SNTG2: variants seen among roughly 807,000 people sequenced by gnomAD.
SNTG2 encodes the protein gamma-2-syntrophin.
In SNTG2, 74 loss-of-function variants were observed where a neutral mutation model predicts 70.9. The observed-to-expected ratio is 1.04, with a 90% CI of 0.86 to 1.27. The LOEUF (loss-of-function observed/expected upper bound fraction) is 1.27, where lower values mean the gene tolerates loss of function less well. Among genes scored for constraint, SNTG2 ranks in the 50% most tolerant of loss-of-function variants. The pLI is 0.00. For missense variants in SNTG2, 717 were observed against 690.7 expected, an observed-to-expected ratio of 1.04 and a Z score of -0.43; for synonymous variants, 278 against 273.8, an observed-to-expected ratio of 1.02 and a Z score of -0.15.
At chr2:1,042,168 A>T (rs116474814) in intron 1 of SNTG2, among the ~76,000 whole-genome samples, 176 of 152,290 alleles carry the variant, frequency 1.2e-3, no homozygotes, top group African/African-American at 3.9e-3. Context: ...TCTTTTTTAA[A>T]ATGGTGGATT....
At chr2:1,040,886 G>A (rs1264612362) in intron 1 of SNTG2, among the ~76,000 whole-genome samples, 1 of 152,176 alleles carries the variant, frequency 6.6e-6, no homozygotes, top group African/African-American at 2.4e-5. Flanking sequence ...TGCCATCAGA[G>A]CAGCTGTTTG....
chr2:1,072,083 C>A (rs1663597933), intron 1 of SNTG2, among the ~76,000 whole-genome samples: 1 of 152,158 alleles, frequency 6.6e-6, no homozygotes, highest in African/African-American at 2.4e-5. Context: ...GGAGAAGCTG[C>A]AGCAAGTTAT....
intron 14 of SNTG2, among the ~76,000 whole-genome samples, chr2:1,272,977 T>A (rs1434032080): frequency 6.6e-6 from 1 of 152,204 alleles, no homozygotes; most frequent in Non-Finnish European, 1.5e-5. Context: ...TTTATGAAAT[T>A]TTCCTAGGTC....
chr2:1,233,652 A>G (rs1676411789), intron 9 of SNTG2, among the ~76,000 whole-genome samples: 1 of 152,218 alleles, frequency 6.6e-6, no homozygotes, highest in African/African-American at 2.4e-5. Flanking sequence ...CAATTCCTTA[A>G]TGTCCTAATA....
rs183188618 is a variant in SNTG2 at position 1,339,937 on chromosome 2, C to T, written c.1488+23562C>T. The stretch of plus-strand genomic sequence containing the variant: ...TCTGCAGACTAGAAACTGCTTAAGG[C>T]CTCGCACCGTCCGCTCACTGGCCGC... On this transcript the variant is annotated intron_variant, in intron 16 of 16. Transcript: ENST00000308624. Among the ~76,000 whole-genome samples the T allele has an allele frequency of 3.9e-4, 60 of 152,302 alleles. 1 individual carries two copies. The highest frequency in any genetic ancestry group is 5.6e-4 in the Non-Finnish European group (38 of 68,016).
At chr2:1,191,553 T>A (rs1165827652) in intron 8 of SNTG2, among the ~76,000 whole-genome samples, 1 of 152,152 alleles carries the variant, frequency 6.6e-6, no homozygotes, top group Admixed American at 6.5e-5. Flanking sequence ...CCCAGCACTT[T>A]GGGAGGCTGA....
At chr2:1,295,218 C>G (rs540358389) in intron 14 of SNTG2, among the ~76,000 whole-genome samples, 9 of 152,128 alleles carry the variant, frequency 5.9e-5, no homozygotes, top group Non-Finnish European at 1.0e-4. Context: ...GAGACTGAAG[C>G]GGCCACATGC....
At chr2:1,300,205 C>G (rs1024078257) in intron 14 of SNTG2, among the ~76,000 whole-genome samples, 1 of 152,206 alleles carries the variant, frequency 6.6e-6, no homozygotes, top group Admixed American at 6.5e-5. Context: ...GGCACTGTTA[C>G]CATCACCGCT....
At chr2:1,211,474 C>T (rs1301857766) in intron 9 of SNTG2, among the ~76,000 whole-genome samples, 1 of 152,116 alleles carries the variant, frequency 6.6e-6, no homozygotes, top group African/African-American at 2.4e-5. Flanking sequence ...AGGGTCTCTA[C>T]TTGTATTAGT....
Position 1,069,769 on chromosome 2 carries a change from G to A in SNTG2, c.73-13749G>A, listed in dbSNP as rs185241400. Among the ~76,000 whole-genome samples the A allele has an allele frequency of 3.9e-5, 6 of 152,074 alleles. No homozygotes were observed. In the East Asian group the frequency reaches 9.7e-4, roughly 25 times the overall value. On this transcript the variant is annotated intron_variant, in intron 1 of 16. Coordinates refer to ENST00000308624, the MANE Select transcript of SNTG2 (RefSeq NM_018968.4). ...TCGCACCACTGCACTGCAGCCTGGC[G>A]ACAGAGCAAGACTCCGTCTCAAAAA...
chr2:1,173,495 T>C (rs1285903356), intron 8 of SNTG2, among the ~76,000 whole-genome samples: 1 of 152,244 alleles, frequency 6.6e-6, no homozygotes, highest in African/African-American at 2.4e-5. Flanking sequence ...CTGCAGGTTA[T>C]TTTTAGGAAA....
At chr2:1,219,330 T>C (rs940103360) in intron 9 of SNTG2, among the ~76,000 whole-genome samples, 1 of 151,794 alleles carries the variant, frequency 6.6e-6, no homozygotes, top group Non-Finnish European at 1.5e-5. Flanking sequence ...CTCTTTTCCT[T>C]ATAAATTATC....
rs1659928955 is a variant in SNTG2, at chr2:950,892, G to A, written c.-105G>A. On this transcript the variant is annotated 5_prime_UTR_variant, in exon 1 of 17. Transcript: ENST00000308624. ...AGCCCGAGCCGGAGCCGGCAGAGGG[G>A]CGCGGGCGCGGACGCGGCGCCTGGC... 13 of 419,302 alleles carry A rather than the reference G, an allele frequency of 3.1e-5. No homozygotes were observed. The East Asian group carries it at 6.6e-4, about 21-fold the overall frequency. The allele number at this position is 419,302 out of a possible 1,614,324, so 26.0% of individuals were successfully genotyped here.
At chr2:1,123,638 T>C (rs751891284) in intron 4 of SNTG2, among the ~76,000 whole-genome samples, 2 of 152,204 alleles carry the variant, frequency 1.3e-5, no homozygotes, top group Non-Finnish European at 1.5e-5. Context: ...CTCGTTGATA[T>C]TGGCCTTGGC....
chr2:1,069,235 G>T (rs1489728409), intron 1 of SNTG2, among the ~76,000 whole-genome samples: 1 of 151,978 alleles, frequency 6.6e-6, no homozygotes, highest in African/African-American at 2.4e-5. Flanking sequence ...AGACTGTGCT[G>T]CTTTGTTCTG....
intron 1 of SNTG2, among the ~76,000 whole-genome samples, chr2:1,015,391 A>T (rs186620311): frequency 6.6e-6 from 1 of 152,322 alleles, no homozygotes; most frequent in East Asian, 1.9e-4. Context: ...TTTCAAAAAC[A>T]CACCATAAAC....
intron 1 of SNTG2, among the ~76,000 whole-genome samples, chr2:1,061,478 C>T (rs1662820729): frequency 6.6e-6 from 1 of 152,172 alleles, no homozygotes; most frequent in Admixed American, 6.5e-5. Flanking sequence ...TGTTTTGCCT[C>T]TGATAAAAGG....
At chr2:989,071 ACTTT>A (rs1164285596) in intron 1 of SNTG2, among the ~76,000 whole-genome samples, 2 of 152,098 alleles carry the variant, frequency 1.3e-5, no homozygotes, top group Non-Finnish European at 2.9e-5. Context: ...GATTTTGTTT[ACTTT>A]CTTTATATCT....
chr2:1,050,715 A>G (rs1456870532), intron 1 of SNTG2, among the ~76,000 whole-genome samples: 4 of 152,194 alleles, frequency 2.6e-5, no homozygotes, highest in Non-Finnish European at 5.9e-5. Flanking sequence ...TTATTATTAA[A>G]CAGCTTCCAA....
Sources: gnomAD v4.1 joint callset for allele counts (sites outside exome capture counted in the v4.1 genomes callset) on GRCh38, gnomAD v4.1.1 for gene constraint, MANE v1.5 for transcripts, NCBI Gene and HGNC (gene_info 2026-07-23, HGNC 2026-07-21) for gene names.